The following SYT13 variants were observed in gnomAD, a reference collection of about 807,000 sequenced individuals.
SYT13 encodes synaptotagmin-13.
A neutral mutation model predicts 38.6 loss-of-function variants in SYT13; 21 were observed. The observed-to-expected ratio is 0.54, with a 90% CI of 0.39 to 0.78. The LOEUF is 0.78. SYT13 is among the 30% of genes least tolerant of loss of function. The pLI is 0.00. For synonymous variants in SYT13, 241 were observed against 237.6 expected (o/e 1.01, Z -0.13); for missense variants, 495 against 548.7 (o/e 0.90, Z 0.98).
At chr11:45,280,859 C>A (rs868355810) in intron 1 of SYT13, among the ~76,000 whole-genome samples, 2 of 152,188 alleles carry the variant, frequency 1.3e-5, no homozygotes, top group South Asian at 2.1e-4. Flanking sequence ...AGGAAAAATT[C>A]TCTGATCTTA....
chr11:45,260,661 A>T (rs1483644048), intron 1 of SYT13, among the ~76,000 whole-genome samples: 1 of 152,196 alleles, frequency 6.6e-6, no homozygotes, highest in Non-Finnish European at 1.5e-5. Flanking sequence ...GAAGATTTCC[A>T]GTGGAGACAG....
rs145995481 is a variant in SYT13, at chr11:45,276,389, A to G, written c.183+9636T>C. On this transcript the variant is annotated intron_variant, in intron 1 of 5. Coordinates refer to ENST00000020926, the MANE Select transcript of SYT13 (RefSeq NM_020826.3). ...TAAGTGAGAGTTGAACAATGAGAACACATGGACACAGAGAGAGGAACATTA... is the reference window on the plus strand; with the variant it reads ...TAAGTGAGAGTTGAACAATGAGAACGCATGGACACAGAGAGAGGAACATTA... Among the ~76,000 whole-genome samples, 695 of 152,324 alleles carry G rather than the reference A, an allele frequency of 4.6e-3. 1 individual carries two copies. The highest frequency in any genetic ancestry group is 0.024 in the Middle Eastern group (7 of 294).
intron 1 of SYT13, among the ~76,000 whole-genome samples, chr11:45,281,298 C>T (rs1036109496): frequency 1.7e-4 from 26 of 152,236 alleles, no homozygotes; most frequent in African/African-American, 5.5e-4. Context: ...TCAGTGATCC[C>T]GACTCTGCTG....
At position 45,241,637 on chromosome 11, in the gene SYT13, A is replaced by G. The variant is rs532033726; in HGVS notation, c.*2415T>C. 67 of 152,084 alleles carry G rather than the reference A, an allele frequency of 4.4e-4. No individual in the cohort carries two copies. The highest frequency in any genetic ancestry group is 1.6e-3 in the African/African-American group (66 of 41,526). 9.4% of individuals were successfully genotyped at this position (152,084 alleles called of 1,614,324 possible). A position where few individuals can be genotyped will look rare whatever the true frequency, so the allele number is the denominator to read the frequency against. On this transcript the variant is annotated 3_prime_UTR_variant, in exon 6 of 6. Transcript: ENST00000020926. ...CACCTGAAATTCCTTTGATGGTACT[A>G]TAAGGCAGCTGCACAGATTTATAAG...
chr11:45,257,107 A>G (rs1008160357), intron 1 of SYT13, among the ~76,000 whole-genome samples: 10 of 152,204 alleles, frequency 6.6e-5, no homozygotes, highest in African/African-American at 2.4e-4. Context: ...TGTGTGCTCT[A>G]GGCTAGGCCC....
rs145613103 is a variant in SYT13, at chr11:45,286,088, C to T, written c.120G>A (p.Leu40=). The change falls in exon 1 of 6, where the codon CTG becomes CTA. Residue 40 remains leucine (L), a synonymous_variant. Transcript: ENST00000020926. The part of the protein sequence containing the change: ...CRHMHPKKGL[L]PRDQDPDLEK... ...CCAGGTCGGGGTCCTGGTCCCGCGG[C>T]AGCAGCCCCTTCTTGGGGTGCATGT... 3.7e-6 allele frequency: 6 copies of T among 1,607,798 alleles called. No individual in the cohort carries two copies. The highest frequency in any genetic ancestry group is 1.6e-4 in the Middle Eastern group (1 of 6,074).
intron 1 of SYT13, among the ~76,000 whole-genome samples, chr11:45,279,868 C>A (rs772537137): frequency 6.6e-6 from 1 of 152,048 alleles, no homozygotes; most frequent in Non-Finnish European, 1.5e-5. Context: ...ATTCATGGGG[C>A]GTCCTATCAT....
chr11:45,277,959 G>A (rs1016416265), intron 1 of SYT13, among the ~76,000 whole-genome samples: 1 of 152,084 alleles, frequency 6.6e-6, no homozygotes, highest in Non-Finnish European at 1.5e-5. Context: ...TTGGGAAGAG[G>A]GTAGTTACCA....
intron 1 of SYT13, among the ~76,000 whole-genome samples, chr11:45,271,333 G>A (rs1198588865): frequency 6.6e-6 from 1 of 152,196 alleles, no homozygotes; most frequent in African/African-American, 2.4e-5. Flanking sequence ...TAAGACCTAA[G>A]GAGGAACTCT....
At chr11:45,267,930 G>A (rs1253669610) in intron 1 of SYT13, among the ~76,000 whole-genome samples, 1 of 152,052 alleles carries the variant, frequency 6.6e-6, no homozygotes, top group Non-Finnish European at 1.5e-5. Flanking sequence ...TGTTTGTTCC[G>A]AGTCTGTGCC....
intron 1 of SYT13, among the ~76,000 whole-genome samples, chr11:45,256,388 C>G (rs1353080796): frequency 6.6e-6 from 1 of 152,176 alleles, no homozygotes; most frequent in African/African-American, 2.4e-5. Context: ...CACTGAGCTC[C>G]CTGCTTCTCA....
intron 1 of SYT13, among the ~76,000 whole-genome samples, chr11:45,278,000 G>A (rs1257164773): frequency 6.6e-6 from 1 of 152,152 alleles, no homozygotes; most frequent in East Asian, 1.9e-4. Flanking sequence ...ACAGTACCTG[G>A]CACACAGTTA....
In SYT13 at chr11:45,243,167, C is replaced by T. The variant is rs1326707871; in HGVS notation, c.*885G>A. 1 of 152,114 alleles carries T rather than the reference C, an allele frequency of 6.6e-6. No individual in the cohort carries two copies. Among genetic ancestry groups the T allele is most frequent in the Non-Finnish European group, 1.5e-5 (1 of 68,034 alleles). The allele number at this position is 152,114 out of a possible 1,614,324, so 9.4% of individuals were successfully genotyped here. Reference sequence around the variant, plus strand: ...CCACCTGTACTTTGTTAGGGATGGTCTCCCCAAGGATAATAGAAACTGATT... The same window carrying T: ...CCACCTGTACTTTGTTAGGGATGGTTTCCCCAAGGATAATAGAAACTGATT... On this transcript the variant is annotated 3_prime_UTR_variant, in exon 6 of 6. Coordinates refer to ENST00000020926, the MANE Select transcript of SYT13 (RefSeq NM_020826.3).
intron 1 of SYT13, among the ~76,000 whole-genome samples, chr11:45,272,114 A>T (rs1447546892): frequency 6.6e-6 from 1 of 152,182 alleles, no homozygotes; most frequent in Non-Finnish European, 1.5e-5. Context: ...CAAGCACTGC[A>T]TGTTCTCACC....
At chr11:45,261,988 C>T (rs1042204580) in intron 1 of SYT13, among the ~76,000 whole-genome samples, 30 of 151,790 alleles carry the variant, frequency 2.0e-4, no homozygotes, top group Admixed American at 1.4e-3. Context: ...TCAAAATATT[C>T]GAAAGCAGGG....
intron 5 of SYT13, 96 bp downstream of exon 5, chr11:45,246,287 G>A (rs1165675786): frequency 6.5e-7 from 1 of 1,532,550 alleles, no homozygotes; most frequent in Non-Finnish European, 8.8e-7. Context: ...CCACCTCCCT[G>A]CTTACCTGTG....
At chr11:45,263,632 C>A (rs865831623) in intron 1 of SYT13, among the ~76,000 whole-genome samples, 31 of 152,214 alleles carry the variant, frequency 2.0e-4, no homozygotes, top group African/African-American at 6.5e-4. Flanking sequence ...TATAGCTAAG[C>A]CCCCGCCAAG....
intron 1 of SYT13, among the ~76,000 whole-genome samples, chr11:45,268,936 T>C (rs1854916791): frequency 6.6e-6 from 1 of 152,192 alleles, no homozygotes; most frequent in African/African-American, 2.4e-5. Flanking sequence ...ACAGTCTGTA[T>C]GTGTGCTGGT....
chr11:45,269,356 A>G lies in SYT13; in HGVS notation c.184-13465T>C, dbSNP rs1854921967. Reference sequence around the variant, plus strand: ...ACAAAAAAACAAAACAAACAAACAAACAAACAAAAAACTCCGTGGGACTGG... The same window carrying G: ...ACAAAAAAACAAAACAAACAAACAAGCAAACAAAAAACTCCGTGGGACTGG... On this transcript the variant is annotated intron_variant, in intron 1 of 5. Transcript: ENST00000020926. 1.5e-5 allele frequency: 14 copies of G among 908,118 alleles called. No homozygotes were observed. The South Asian group carries it at 2.9e-4, about 19-fold the overall frequency. The allele number at this position is 908,118 out of a possible 1,614,324, so 56.3% of individuals were successfully genotyped here.
Sources: allele counts gnomAD v4.1 joint callset (sites outside exome capture counted in the v4.1 genomes callset), GRCh38; gene constraint gnomAD v4.1.1; transcripts MANE v1.5; gene names NCBI Gene and HGNC (gene_info 2026-07-23, HGNC 2026-07-21).